Variants in CACNA1A observed in about 807,000 individuals in gnomAD.
CACNA1A encodes voltage-dependent P/Q-type calcium channel subunit alpha-1A.
In CACNA1A, 57 loss-of-function variants were observed where a neutral mutation model predicts 262.4. The ratio of observed to expected loss-of-function variants is 0.22; its 90% CI spans 0.18 to 0.27. The LOEUF (loss-of-function observed/expected upper bound fraction) is 0.27. Ranked by LOEUF, CACNA1A falls within the 10% of genes least tolerant of loss-of-function variation. The pLI is 1.00. For synonymous variants in CACNA1A, 1,431 were observed against 1,419.3 expected, an observed-to-expected ratio of 1.01 and a Z score of -0.18; for missense variants, 2,526 against 3,562.8, an observed-to-expected ratio of 0.71 and a Z score of 7.41.
In CACNA1A at chr19:13,506,406, G is replaced by A. The variant is rs931742312; in HGVS notation, c.-182C>T. On this transcript the variant is annotated 5_prime_UTR_variant, in exon 1 of 47. Transcript: ENST00000360228. ...CGGCGGCGGCTCGGCGCCTCGGGTC[G>A]GGGGCTCAGAAGGCGGCTGCCCGGG... 17 of 434,690 alleles carry A rather than the reference G, an allele frequency of 3.9e-5. No homozygotes were observed. Among genetic ancestry groups the A allele is most frequent in the Non-Finnish European group, 6.1e-5 (16 of 260,968 alleles). 26.9% of individuals were successfully genotyped at this position (434,690 alleles called of 1,614,324 possible). A position where few individuals can be genotyped will look rare whatever the true frequency, so the allele number is the denominator to read the frequency against.
At chr19:13,249,504 C>T (rs1327097994) in intron 30 of CACNA1A, among the ~76,000 whole-genome samples, 2 of 151,802 alleles carry the variant, frequency 1.3e-5, no homozygotes, top group Non-Finnish European at 2.9e-5. Flanking sequence ...TGCAGGTGCA[C>T]GCCACCACAC....
chr19:13,459,819 G>A (rs549681621), intron 1 of CACNA1A, among the ~76,000 whole-genome samples: 20 of 152,244 alleles, frequency 1.3e-4, no homozygotes, highest in African/African-American at 4.8e-4. Context: ...GGCACTGAAG[G>A]TTCCAGGAAG....
chr19:13,447,537 T>C (rs1444466581), intron 3 of CACNA1A, among the ~76,000 whole-genome samples: 5 of 152,178 alleles, frequency 3.3e-5, no homozygotes, highest in Non-Finnish European at 7.3e-5. Context: ...AGGGAGTTTA[T>C]AAGGAGAATT....
intron 4 of CACNA1A, 46 bp from the exon 5 acceptor site, chr19:13,365,515 C>A (rs1394353255): frequency 6.4e-7 from 1 of 1,571,056 alleles, no homozygotes; most frequent in East Asian, 2.3e-5. Flanking sequence ...GAGCAAGTAC[C>A]CCCAAACCCC....
At chr19:13,336,028 G>T in intron 6 of CACNA1A, 119 bp from the exon 7 acceptor site, 2 of 613,666 alleles carry the variant, frequency 3.3e-6, no homozygotes, top group South Asian at 4.6e-5. Context: ...TTCTTGGCTT[G>T]TGGAGTTCTG....
chr19:13,494,513 T>C (rs371230153), intron 1 of CACNA1A, among the ~76,000 whole-genome samples: 7 of 151,716 alleles, frequency 4.6e-5, no homozygotes, highest in Admixed American at 4.6e-4. Flanking sequence ...GAATAGACAA[T>C]GAAAGGAAGG....
Position 13,286,622 on chromosome 19 carries a change from A to T in CACNA1A, c.3434T>A (p.Ile1145Asn). Reference sequence around the variant, plus strand: ...CTGGGTGCCGCTGGGGTTGGTGACGATAAGGCTATTCTCGGGGGTCTTGGG... The same window carrying T: ...CTGGGTGCCGCTGGGGTTGGTGACGTTAAGGCTATTCTCGGGGGTCTTGGG... ...GPPKTPENSL[I>N]VTNPSGTQTN... is the part of the protein sequence containing the mutation. The change falls in exon 20 of 47, where the codon ATC (isoleucine) becomes AAC (asparagine). Residue 1145 changes from isoleucine to asparagine, a missense_variant. By Grantham distance (149) the Ile-to-Asn change is moderately radical. This residue lies in a region of CACNA1A where 765 missense variants were observed against 748.6 expected (regional missense o/e 1.02). Transcript: ENST00000360228. The T allele has an allele frequency of 1.4e-6, 2 of 1,480,956 alleles. No homozygotes were observed. The highest frequency in any genetic ancestry group is 1.8e-6 in the Non-Finnish European group (2 of 1,111,884). The allele number at this position is 1,480,956 out of a possible 1,614,324, so 91.7% of individuals were successfully genotyped here.
At chr19:13,228,640 G>T in intron 36 of CACNA1A, 1 of 549,230 alleles carries the variant, frequency 1.8e-6, no homozygotes, top group Admixed American at 3.7e-5. Flanking sequence ...TATATATATT[G>T]AAGAACCCCA....
intron 6 of CACNA1A, among the ~76,000 whole-genome samples, chr19:13,345,829 C>T (rs1027579201): frequency 1.1e-4 from 16 of 151,204 alleles, no homozygotes; most frequent in African/African-American, 2.9e-4. Flanking sequence ...TGCTCTTTTT[C>T]CCCTTTCACT....
intron 10 of CACNA1A, among the ~76,000 whole-genome samples, chr19:13,319,096 T>G (rs1335198088): frequency 1.3e-5 from 2 of 151,898 alleles, no homozygotes; most frequent in Non-Finnish European, 2.9e-5. Context: ...GGTCTCCCTG[T>G]GTTGCCCAGG....
rs558942808 is a variant in CACNA1A at position 13,282,523 on chromosome 19, G to A, written c.3822+744C>T. Among the ~76,000 whole-genome samples the A allele has an allele frequency of 2.0e-3, 298 of 152,130 alleles. 1 individual carries two copies. The highest frequency in any genetic ancestry group is 6.7e-3 in the African/African-American group (277 of 41,508). ...TCAAAGGGGCTATGCACACCCATCCGTAGCATACAGTAGGTGATTAGTAAA... is the reference window on the plus strand; with the variant it reads ...TCAAAGGGGCTATGCACACCCATCCATAGCATACAGTAGGTGATTAGTAAA... On this transcript the variant is annotated intron_variant, in intron 22 of 46. Transcript: ENST00000360228.
At position 13,207,601 on chromosome 19, in the gene CACNA1A, C is replaced by G. The variant is rs1015330748; in HGVS notation, c.7233G>C (p.Arg2411=). The G allele has an allele frequency of 9.6e-5, 142 of 1,482,430 alleles. No individual in the cohort carries two copies. The highest frequency in any genetic ancestry group is 6.7e-4 in the Middle Eastern group (3 of 4,506). 91.8% of individuals were successfully genotyped at this position (1,482,430 alleles called of 1,614,324 possible). A position where few individuals can be genotyped will look rare whatever the true frequency, so the allele number is the denominator to read the frequency against. Residue 2411 remains arginine (R), a synonymous_variant, in exon 47 of 47, where the codon CGG becomes CGC. Transcript: ENST00000360228. The surrounding 1 kb of genome is among the most constrained non-coding windows in gnomAD (Gnocchi z 5.7). Reference sequence around the variant, plus strand: ...CATCGGCCTCGTCGTAGTCGGAGCCCCGGTAGTAGCCATGGTGCCGGGGAC... The same window carrying G: ...CATCGGCCTCGTCGTAGTCGGAGCCGCGGTAGTAGCCATGGTGCCGGGGAC... ...PPGPRHHGYY[R]GSDYDEADGP... is the part of the protein sequence containing the mutation.
At chr19:13,361,005 G>A (rs1190175390) in intron 5 of CACNA1A, among the ~76,000 whole-genome samples, 2 of 152,114 alleles carry the variant, frequency 1.3e-5, no homozygotes, top group African/African-American at 4.8e-5. Flanking sequence ...TAAATGTGCC[G>A]TGTGCATGGT....
rs1359007594 is a variant in CACNA1A at position 13,207,835 on chromosome 19, C to T, written c.6999G>A (p.Ala2333=). 1.4e-5 allele frequency: 21 copies of T among 1,465,350 alleles called. No individual in the cohort carries two copies. Among genetic ancestry groups the T allele is most frequent in the Middle Eastern group, 2.4e-4 (1 of 4,162 alleles). The allele number at this position is 1,465,350 out of a possible 1,614,324, so 90.8% of individuals were successfully genotyped here. A position where few individuals can be genotyped will look rare whatever the true frequency, so the allele number is the denominator to read the frequency against. The part of the protein sequence containing the change: ...QQQAVARPGR[A]ATSGPRRYPG... ...GGTACCTCCGAGGGCCGCTGGTGGC[C>T]GCCCGGCCCGGCCTGGCCACCGCCT... is the stretch of plus-strand genomic sequence containing the variant. Residue 2333 remains alanine (A), a synonymous_variant, in exon 47 of 47, where the codon GCG becomes GCA. Coordinates refer to ENST00000360228, the MANE Select transcript of CACNA1A (RefSeq NM_001127222.2). This position sits in a 1 kb window ranked among gnomAD's most constrained non-coding sequence, Gnocchi z 5.7.
At chr19:13,299,484 G>A (rs2057744207) in intron 18 of CACNA1A, 131 bp from the exon 19 acceptor site, 1 of 785,714 alleles carries the variant, frequency 1.3e-6, no homozygotes, top group South Asian at 1.6e-5. Flanking sequence ...CTGAATGCTA[G>A]GAGTCTGTGA....
At chr19:13,208,245 A>G (rs1443485849) in intron 46 of CACNA1A, among the ~76,000 whole-genome samples, 192 bp from the exon 47 acceptor site, 4 of 96,164 alleles carry the variant, frequency 4.2e-5, no homozygotes, top group Non-Finnish European at 8.1e-5. Flanking sequence ...CAACAGCCAC[A>G]GGGAGGAGGG....
chr19:13,344,730 C>T (rs932690535), intron 6 of CACNA1A, among the ~76,000 whole-genome samples: 1 of 120,318 alleles, frequency 8.3e-6, no homozygotes, highest in African/African-American at 3.2e-5. Context: ...GTTGGTGGAT[C>T]ATTTATTTTA....
At chr19:13,291,025 A>G (rs1325772509) in intron 19 of CACNA1A, among the ~76,000 whole-genome samples, 2 of 152,098 alleles carry the variant, frequency 1.3e-5, no homozygotes, top group Non-Finnish European at 2.9e-5. Flanking sequence ...CAGAGGCCTA[A>G]TATCAATTTC....
Position 13,395,834 on chromosome 19 carries a change from C to G in CACNA1A, c.540-24055G>C, listed in dbSNP as rs535268330. On this transcript the variant is annotated intron_variant, in intron 3 of 46. Coordinates refer to ENST00000360228, the MANE Select transcript of CACNA1A (RefSeq NM_001127222.2). ...GACCAAGGAGAACCAAGAGAGCCCC[C>G]CCTCCATTCCAGAGAGGGTCTTGTC... Among the ~76,000 whole-genome samples, 6 of 151,672 alleles carry G rather than the reference C, an allele frequency of 4.0e-5. No homozygotes were observed. The South Asian group carries it at 6.3e-4, about 16-fold the overall frequency.
Sources: allele counts gnomAD v4.1 joint callset (sites outside exome capture counted in the v4.1 genomes callset), GRCh38; gene constraint gnomAD v4.1.1; regional missense constraint gnomAD v4.1.1; non-coding constraint Gnocchi (gnomAD v3.1); transcripts MANE v1.5; gene names NCBI Gene and HGNC (gene_info 2026-07-23, HGNC 2026-07-21).